The following GALNTL6 variants were observed in gnomAD, a reference collection of about 807,000 sequenced individuals.
The protein encoded by GALNTL6 is polypeptide N-acetylgalactosaminyltransferase-like 6.
GALNTL6 carries 46 observed loss-of-function variants against 73.7 expected under a neutral mutation model. That is an observed-to-expected ratio of 0.62 (90% CI 0.49 to 0.80). The LOEUF is 0.80. Among genes scored for constraint, GALNTL6 ranks in the 30% least tolerant of loss-of-function variants. GALNTL6 has a pLI of 0.00. For synonymous variants in GALNTL6, 259 were observed against 263.7 expected, an observed-to-expected ratio of 0.98 and a Z score of 0.17; for missense variants, 604 against 755.0, an observed-to-expected ratio of 0.80 and a Z score of 2.34.
intron 5 of GALNTL6, among the ~76,000 whole-genome samples, chr4:172,687,357 C>T (rs1028396276): frequency 2.0e-5 from 3 of 152,022 alleles, no homozygotes; most frequent in Admixed American, 6.6e-5. Flanking sequence ...TGGCCCGGCA[C>T]GGTGGCTCAT....
intron 5 of GALNTL6, among the ~76,000 whole-genome samples, chr4:172,569,174 T>C (rs1224638607): frequency 6.6e-6 from 1 of 152,186 alleles, no homozygotes; most frequent in African/African-American, 2.4e-5. Flanking sequence ...TTTCTCATAG[T>C]TCTGGAGCCT....
chr4:172,352,600 T>G (rs1017776343), intron 5 of GALNTL6, among the ~76,000 whole-genome samples: 3 of 152,184 alleles, frequency 2.0e-5, no homozygotes, highest in Non-Finnish European at 2.9e-5. Context: ...TGAAATGGGC[T>G]GGGGCTTAAC....
intron 5 of GALNTL6, among the ~76,000 whole-genome samples, chr4:172,547,479 G>A (rs1490212467): frequency 6.6e-6 from 1 of 152,024 alleles, no homozygotes; most frequent in African/African-American, 2.4e-5. Flanking sequence ...TATAGCTGGG[G>A]GAGGGAAGCA....
At chr4:172,501,155 T>C (rs188102783) in intron 5 of GALNTL6, among the ~76,000 whole-genome samples, 1 of 152,336 alleles carries the variant, frequency 6.6e-6, no homozygotes, top group East Asian at 1.9e-4. Flanking sequence ...TGTAACAATG[T>C]GATTTCCTGA....
chr4:172,087,810 G>A (rs572377779), intron 2 of GALNTL6, among the ~76,000 whole-genome samples: 98 of 149,222 alleles, frequency 6.6e-4, no homozygotes, highest in African/African-American at 2.3e-3. Context: ...TTTTTTTATC[G>A]TACATCTTTT....
intron 4 of GALNTL6, among the ~76,000 whole-genome samples, chr4:172,314,862 G>A (rs547753597): frequency 6.6e-5 from 10 of 151,882 alleles, no homozygotes; most frequent in Non-Finnish European, 1.2e-4. Context: ...CGCCTGCCTC[G>A]GCCTCCCAAA....
At chr4:171,988,067 A>G (rs947745472) in intron 2 of GALNTL6, among the ~76,000 whole-genome samples, 1 of 152,200 alleles carries the variant, frequency 6.6e-6, no homozygotes, top group Non-Finnish European at 1.5e-5. Context: ...AGTTGAGCAT[A>G]GTTCGTGATT....
At chr4:172,280,479 A>T (rs966007961) in intron 3 of GALNTL6, among the ~76,000 whole-genome samples, 2 of 151,962 alleles carry the variant, frequency 1.3e-5, no homozygotes, top group African/African-American at 4.8e-5. Flanking sequence ...GTATAGAGAA[A>T]TTTTTTTAAA....
chr4:171,946,846 A>ATTC (rs1738716363), intron 2 of GALNTL6, among the ~76,000 whole-genome samples: 1 of 151,562 alleles, frequency 6.6e-6, no homozygotes, highest in Admixed American at 6.7e-5. Context: ...GAAGGTCTAG[A>ATTC]ACAACTCCAG....
intron 2 of GALNTL6, among the ~76,000 whole-genome samples, chr4:172,102,485 T>A (rs998194631): frequency 1.3e-5 from 2 of 152,146 alleles, no homozygotes; most frequent in Non-Finnish European, 2.9e-5. Flanking sequence ...TTGTACTTAG[T>A]GTGGATGATG....
At chr4:172,024,968 T>C (rs190884935) in intron 2 of GALNTL6, among the ~76,000 whole-genome samples, 3 of 151,982 alleles carry the variant, frequency 2.0e-5, no homozygotes, top group Admixed American at 1.3e-4. Context: ...GAACAAAATA[T>C]TACCCATCCA....
At chr4:172,683,324 C>G (rs1475686912) in intron 5 of GALNTL6, among the ~76,000 whole-genome samples, 2 of 152,176 alleles carry the variant, frequency 1.3e-5, no homozygotes, top group South Asian at 4.1e-4. Context: ...GATATCTATT[C>G]ACTTCTATGC....
intron 5 of GALNTL6, among the ~76,000 whole-genome samples, chr4:172,626,180 T>C (rs1739162133): frequency 6.6e-6 from 1 of 152,126 alleles, no homozygotes; most frequent in Admixed American, 6.6e-5. Flanking sequence ...TAATCGATCT[T>C]GAGTTCAATT....
At chr4:172,755,970 G>A (rs1237959544) in intron 5 of GALNTL6, among the ~76,000 whole-genome samples, 1 of 152,072 alleles carries the variant, frequency 6.6e-6, no homozygotes, top group East Asian at 1.9e-4. Flanking sequence ...CCTTCATTTG[G>A]TACCAACGTG....
intron 7 of GALNTL6, among the ~76,000 whole-genome samples, chr4:172,874,260 C>T (rs1745081334): frequency 6.6e-6 from 1 of 152,248 alleles, no homozygotes; most frequent in Non-Finnish European, 1.5e-5. Context: ...AGATAAGAGC[C>T]TGGACTAAAG....
chr4:172,380,431 T>A (rs1287228387), intron 5 of GALNTL6: 2 of 542,722 alleles, frequency 3.7e-6, no homozygotes, highest in Non-Finnish European at 7.1e-6. Flanking sequence ...GGCCAGGAAC[T>A]GGTTCTGCCA....
rs147459257 is a variant in GALNTL6, at chr4:172,760,293, C to T, written c.554-49068C>T. 4.4e-3 allele frequency among the ~76,000 whole-genome samples: 671 copies of T among 152,256 alleles called. 5 individuals are homozygous for T. The highest frequency in any genetic ancestry group is 0.015 in the African/African-American group (641 of 41,538). On this transcript the variant is annotated intron_variant, in intron 5 of 12. Coordinates refer to ENST00000506823, the MANE Select transcript of GALNTL6 (RefSeq NM_001034845.3). The stretch of plus-strand genomic sequence containing the variant: ...CTTGTGGGTCTCAGCTTTAGGATCA[C>T]CCTGTTATGTACAGGAGGCTGCTAC...
At chr4:172,229,245 G>A (rs1430166118) in intron 2 of GALNTL6, among the ~76,000 whole-genome samples, 1 of 152,140 alleles carries the variant, frequency 6.6e-6, no homozygotes, top group African/African-American at 2.4e-5. Context: ...TTACTACAAA[G>A]CCGTTCAGAT....
chr4:172,589,745 T>C (rs927225113), intron 5 of GALNTL6, among the ~76,000 whole-genome samples: 1 of 152,220 alleles, frequency 6.6e-6, no homozygotes, highest in Non-Finnish European at 1.5e-5. Flanking sequence ...TATTTTTCAG[T>C]CACTTTAAAT....
Sources: gnomAD v4.1 joint callset for allele counts (sites outside exome capture counted in the v4.1 genomes callset) on GRCh38, gnomAD v4.1.1 for gene constraint, MANE v1.5 for transcripts, NCBI Gene and HGNC (gene_info 2026-07-23, HGNC 2026-07-21) for gene names.